The following MUC5AC variants were observed in gnomAD, a reference collection of about 807,000 sequenced individuals.
MUC5AC encodes mucin 5AC, oligomeric mucus/gel-forming.
In MUC5AC, 158 loss-of-function variants were observed where a neutral mutation model predicts 169.7. The ratio of observed to expected loss-of-function variants is 0.93; its 90% CI spans 0.82 to 1.06. The LOEUF is 1.06. MUC5AC is among the 50% of genes least tolerant of loss of function. The pLI is 0.00. For synonymous variants in MUC5AC, 1,975 were observed against 1,237.0 expected (o/e 1.60, Z -12.52); for missense variants, 4,359 against 3,089.9 (o/e 1.41, Z -9.74).
intron 26 of MUC5AC, among the ~76,000 whole-genome samples, chr11:1,179,815 T>G (rs902272118): frequency 6.6e-6 from 1 of 152,116 alleles, no homozygotes; most frequent in Non-Finnish European, 1.5e-5. Flanking sequence ...CTGCTGGATC[T>G]GCTCTGACTG....
At chr11:1,159,034 G>A (rs1860046645) in intron 1 of MUC5AC, among the ~76,000 whole-genome samples, 1 of 152,218 alleles carries the variant, frequency 6.6e-6, no homozygotes, top group Non-Finnish European at 1.5e-5. Flanking sequence ...AGCTGGGGCT[G>A]GGGTCTGCGG....
intron 6 of MUC5AC, 98 bp downstream of exon 6, chr11:1,163,143 C>A (rs903337581): frequency 8.9e-7 from 1 of 1,118,690 alleles, no homozygotes; most frequent in Non-Finnish European, 1.4e-6. Context: ...CACACACATG[C>A]ACAGATACAC....
In MUC5AC at chr11:1,185,909, A is replaced by G; in HGVS notation, c.7764A>G (p.Thr2588=). ...CAACCTCTGCTCCTACAACCAGCAC[A>G]ACCTCTGGTCCTGGAACTACTCCCA... is the stretch of plus-strand genomic sequence containing the variant. ...TSTTSAPTTS[T]TSGPGTTPSA... The change falls in exon 31 of 49, where the codon ACA becomes ACG. Residue 2588 remains threonine, a synonymous_variant. Transcript: ENST00000621226. 2 of 746,710 alleles carry G rather than the reference A, an allele frequency of 2.7e-6. No individual in the cohort carries two copies. Among genetic ancestry groups the G allele is most frequent in the South Asian group, 1.4e-5 (1 of 71,792 alleles). 46.3% of individuals were successfully genotyped at this position (746,710 alleles called of 1,614,324 possible). A position where few individuals can be genotyped will look rare whatever the true frequency, so the allele number is the denominator to read the frequency against.
Position 1,164,543 on chromosome 11 carries a change from C to A in MUC5AC, c.1129+11C>A. The A allele has an allele frequency of 6.3e-7, 1 of 1,598,986 alleles. No homozygotes were observed. Among genetic ancestry groups the A allele is most frequent in the Non-Finnish European group, 8.5e-7 (1 of 1,173,682 alleles). On this transcript the variant is annotated intron_variant, in intron 9 of 48. Transcript: ENST00000621226. The stretch of plus-strand genomic sequence containing the variant: ...GCTTCTGCCCTGAGGGTGAGGCTCC[C>A]CCGCCCCTGGGAAACACAGGTGCAC...
At chr11:1,161,807 G>T in intron 3 of MUC5AC, 100 bp from the exon 4 acceptor site, 8 of 1,486,626 alleles carry the variant, frequency 5.4e-6, no homozygotes, top group Non-Finnish European at 7.2e-6. Context: ...AGCACTTCCT[G>T]CAGGACCCTG....
At position 1,180,052 on chromosome 11, in the gene MUC5AC, G is replaced by T. The variant is rs1564912320; in HGVS notation, c.3515G>T (p.Gly1172Val). Residue 1172 changes from glycine (G) to valine (V), a missense_variant, in exon 27 of 49, where the codon GGC becomes GTC. Transcript: ENST00000621226. ...PLFCDYYNPE[G>V]QCEWHYQPCG... Reference sequence around the variant, plus strand: ...TTCTGCGACTACTACAACCCCGAAGGCCAGTGCGAGTGGCACTACCAGCCC... The same window carrying T: ...TTCTGCGACTACTACAACCCCGAAGTCCAGTGCGAGTGGCACTACCAGCCC... The T allele has an allele frequency of 2.5e-6, 1 of 398,972 alleles. No individual in the cohort carries two copies. Among genetic ancestry groups the T allele is most frequent in the Non-Finnish European group, 4.4e-6 (1 of 226,218 alleles). 24.7% of individuals were successfully genotyped at this position (398,972 alleles called of 1,614,324 possible).
chr11:1,164,523 T>G lies in MUC5AC; in HGVS notation c.1120T>G (p.Cys374Gly). 1 of 1,610,210 alleles carries G rather than the reference T, an allele frequency of 6.2e-7. No homozygotes were observed. Among genetic ancestry groups the G allele is most frequent in the Non-Finnish European group, 8.5e-7 (1 of 1,178,832 alleles). ...CEDHCVAGCF[C>G]PEGTVLDDIG... The stretch of plus-strand genomic sequence containing the variant: ...GGACCACTGTGTGGCCGGCTGCTTC[T>G]GCCCTGAGGGTGAGGCTCCCCCGCC... The change falls in exon 9 of 49, where the codon TGC becomes GGC. Residue 374 changes from cysteine to glycine, a missense_variant. Coordinates refer to ENST00000621226, the MANE Select transcript of MUC5AC (RefSeq NM_001304359.2).
chr11:1,199,900 AGG>A lies in MUC5AC; in HGVS notation c.16633_16634del (p.Gly5545LeufsTer128), dbSNP rs1193449946. 3 of 764,528 alleles carry A rather than the reference AGG, an allele frequency of 3.9e-6. No homozygotes were observed. The African/African-American group carries it at 5.1e-5, about 13-fold the overall frequency. 47.4% of individuals were successfully genotyped at this position (764,528 alleles called of 1,614,324 possible). On this transcript the variant is annotated frameshift_variant, in exon 48 of 49. Transcript: ENST00000621226. LOFTEE classifies it high-confidence loss of function. Reference sequence around the variant, plus strand: ...CATAGGAGCCTGATCATCCAGCAGCAGGGCTGCAGCTCCTCGGAGCCCGTGCG... The same window carrying A: ...CATAGGAGCCTGATCATCCAGCAGCAGCTGCAGCTCCTCGGAGCCCGTGCG...
At position 1,192,958 on chromosome 11, in the gene MUC5AC, C is replaced by T. The variant is rs1447965405; in HGVS notation, c.14556C>T (p.Cys4852=). The change falls in exon 32 of 49, where the codon TGC becomes TGT. Residue 4852 remains cysteine (C), a synonymous_variant. Transcript: ENST00000621226. ...STSEPVTELG[C]PNAVPPRKKG... is the part of the protein sequence containing the mutation. ...CCGAGCCCGTCACTGAGCTGGGATG[C>T]CCAAATGCGGTTCCCCCCAGAAAGG... The T allele has an allele frequency of 2.7e-6, 2 of 732,064 alleles. No homozygotes were observed. The highest frequency in any genetic ancestry group is 5.0e-6 in the Non-Finnish European group (2 of 398,558). The allele number at this position is 732,064 out of a possible 1,614,324, so 45.3% of individuals were successfully genotyped here. A position where few individuals can be genotyped will look rare whatever the true frequency, so the allele number is the denominator to read the frequency against.
chr11:1,194,467 C>G lies in MUC5AC; in HGVS notation c.15007-20C>G, dbSNP rs752450119. On this transcript the variant is annotated intron_variant, in intron 34 of 48. Transcript: ENST00000621226. ...GCCCGCCTGCCTTCTGACTTCCCGT[C>G]GACCACGCCCTGCGTCCAGATCATC... The G allele has an allele frequency of 1.4e-6, 1 of 739,182 alleles. No homozygotes were observed. Among genetic ancestry groups the G allele is most frequent in the African/African-American group, 1.7e-5 (1 of 58,522 alleles). 45.8% of individuals were successfully genotyped at this position (739,182 alleles called of 1,614,324 possible).
intron 36 of MUC5AC, among the ~76,000 whole-genome samples, 166 bp from the exon 37 acceptor site, chr11:1,195,710 A>G (rs1861253428): frequency 7.7e-6 from 1 of 129,572 alleles, no homozygotes; most frequent in African/African-American, 2.9e-5. Flanking sequence ...AAGCACACAG[A>G]ATGTGTGGAA....
At chr11:1,196,981 C>T (rs1343147607) in intron 40 of MUC5AC, 73 bp downstream of exon 40, 1 of 718,374 alleles carries the variant, frequency 1.4e-6, no homozygotes, top group East Asian at 2.6e-5. Flanking sequence ...GAAACACCGG[C>T]CCCAGAAATG....
intron 1 of MUC5AC, 45 bp from the exon 2 acceptor site, chr11:1,160,567 T>A (rs1338526387): frequency 1.3e-6 from 2 of 1,550,198 alleles, no homozygotes; most frequent in Non-Finnish European, 1.7e-6. Flanking sequence ...CTGAGCCCCC[T>A]CAGCCACCCT....
In MUC5AC at chr11:1,186,974, T is replaced by C. The variant is rs2133759754; in HGVS notation, c.8829T>C (p.Val2943=). The C allele has an allele frequency of 1.4e-6, 1 of 725,054 alleles. No homozygotes were observed. 44.9% of individuals were successfully genotyped at this position (725,054 alleles called of 1,614,324 possible). A position where few individuals can be genotyped will look rare whatever the true frequency, so the allele number is the denominator to read the frequency against. ...ISVPTTSTTS[V]PGTTPSPVPT... is the part of the protein sequence containing the mutation. ...TTCCTACAACCAGCACAACTTCTGT[T>C]CCTGGAACTACTCCCAGCCCTGTTC... The change falls in exon 31 of 49, where the codon GTT becomes GTC. Residue 2943 remains valine, a synonymous_variant. Transcript: ENST00000621226.
rs1861136783 is a variant in MUC5AC, at chr11:1,192,267, C to T, written c.14122C>T (p.Gln4708Ter). Residue 4708 changes from glutamine (Q) to a stop codon, truncating the protein, a stop_gained, in exon 31 of 49, where the codon CAG becomes TAG. Coordinates refer to ENST00000621226, the MANE Select transcript of MUC5AC (RefSeq NM_001304359.2). LOFTEE classifies it high-confidence loss of function. Reference sequence around the variant, plus strand: ...GGGCCTGGTGTGCCGGAACCAGGACCAGCAGGGACCCTTCAAGATGTGCCT... The same window carrying T: ...GGGCCTGGTGTGCCGGAACCAGGACTAGCAGGGACCCTTCAAGATGTGCCT... ...EEGLVCRNQD[Q>*]QGPFKMCLNY... 2 of 764,972 alleles carry T rather than the reference C, an allele frequency of 2.6e-6. No homozygotes were observed. The highest frequency in any genetic ancestry group is 3.4e-5 in the African/African-American group (2 of 59,132). 47.4% of individuals were successfully genotyped at this position (764,972 alleles called of 1,614,324 possible).
chr11:1,197,380 C>A (rs1429996177), intron 40 of MUC5AC, 88 bp from the exon 41 acceptor site: 3 of 667,252 alleles, frequency 4.5e-6, no homozygotes, highest in African/African-American at 3.5e-5. Context: ...CCACACCTGG[C>A]TGCCCCGGCA....
chr11:1,170,674 A>T (rs1234525693), intron 15 of MUC5AC, among the ~76,000 whole-genome samples: 1 of 21,628 alleles, frequency 4.6e-5, no homozygotes, highest in Non-Finnish European at 9.2e-5. Flanking sequence ...CCCACTCACC[A>T]ACTCACCCAT....
chr11:1,171,117 C>T (rs1271819323), intron 15 of MUC5AC, among the ~76,000 whole-genome samples: 11 of 148,252 alleles, frequency 7.4e-5, no homozygotes, highest in Admixed American at 1.3e-4. Context: ...CTCACCCATT[C>T]GCCCACTCAT....
rs1439128675 is a variant in MUC5AC at position 1,187,669 on chromosome 11, C to G, written c.9524C>G (p.Ala3175Gly). ...GCTCCTAGAACCAGCACCACTTCTG[C>G]CTCTACAACCAGCACAACCCCTGGT... ...IFAPRTSTTSASTTSTTPGPG... is the reference protein window; with the variant it reads ...IFAPRTSTTSGSTTSTTPGPG... Residue 3175 changes from alanine to glycine, a missense_variant, in exon 31 of 49, where the codon GCC (alanine) becomes GGC (glycine). Coordinates refer to ENST00000621226, the MANE Select transcript of MUC5AC (RefSeq NM_001304359.2). The G allele has an allele frequency of 2.6e-6, 2 of 764,916 alleles. No homozygotes were observed. The highest frequency in any genetic ancestry group is 4.8e-6 in the Non-Finnish European group (2 of 417,778). The allele number at this position is 764,916 out of a possible 1,614,324, so 47.4% of individuals were successfully genotyped here. A position where few individuals can be genotyped will look rare whatever the true frequency, so the allele number is the denominator to read the frequency against.
Sources: allele counts gnomAD v4.1 joint callset (sites outside exome capture counted in the v4.1 genomes callset), GRCh38; gene constraint gnomAD v4.1.1; transcripts MANE v1.5; gene names NCBI Gene and HGNC (gene_info 2026-07-23, HGNC 2026-07-21).